The following MYRIP variants were observed in gnomAD, a reference collection of about 807,000 sequenced individuals.
The protein encoded by MYRIP is myosin VIIA and Rab interacting protein, also known as rab effector MyRIP.
Under a neutral mutation model 98.0 loss-of-function variants are expected in MYRIP, and 49 were observed. That is an observed-to-expected ratio of 0.50 (90% CI 0.40 to 0.63). The LOEUF (loss-of-function observed/expected upper bound fraction) is 0.63. Ranked by LOEUF, MYRIP falls within the 30% of genes least tolerant of loss-of-function variation. MYRIP has a pLI of 0.00. For synonymous variants in MYRIP, 404 were observed against 409.5 expected (o/e 0.99, Z 0.16); for missense variants, 1,004 against 1,058.2 (o/e 0.95, Z 0.71).
In MYRIP at chr3:39,856,683, A is replaced by T. The variant is rs191467499; in HGVS notation, c.-30-44104A>T. Among the ~76,000 whole-genome samples, 5 of 152,254 alleles carry T rather than the reference A, an allele frequency of 3.3e-5. No homozygotes were observed. In the East Asian group the frequency reaches 9.7e-4, roughly 29 times the overall value. On this transcript the variant is annotated intron_variant, in intron 1 of 16. Transcript: ENST00000302541. ...ATGGGCAGCAGCCCTGCCCTATTAG[A>T]TACTTTGTCAGCAAGCCTCACATGC... is the stretch of plus-strand genomic sequence containing the variant.
chr3:40,236,322 A>G (rs1416994834), intron 12 of MYRIP, among the ~76,000 whole-genome samples: 1 of 152,224 alleles, frequency 6.6e-6, no homozygotes, highest in Non-Finnish European at 1.5e-5. Context: ...CTCATTATTT[A>G]GCAAAGCATG....
At chr3:39,904,343 C>A (rs992858627) in intron 2 of MYRIP, among the ~76,000 whole-genome samples, 4 of 152,124 alleles carry the variant, frequency 2.6e-5, no homozygotes, top group African/African-American at 4.8e-5. Flanking sequence ...TCAAGAAATT[C>A]TCCTGCCTCG....
chr3:39,873,280 T>C (rs1219435189), intron 1 of MYRIP, among the ~76,000 whole-genome samples: 2 of 152,102 alleles, frequency 1.3e-5, no homozygotes, highest in Non-Finnish European at 2.9e-5. Context: ...TTCTCCCATT[T>C]TGTAGGTTGC....
intron 7 of MYRIP, 124 bp from the exon 8 acceptor site, chr3:40,169,826 G>C: frequency 9.3e-7 from 1 of 1,076,142 alleles, no homozygotes. Flanking sequence ...GAAACAGCCT[G>C]GTGTTCTGTT....
intron 2 of MYRIP, among the ~76,000 whole-genome samples, chr3:39,914,597 G>A (rs558899198): frequency 6.6e-6 from 1 of 151,970 alleles, no homozygotes; most frequent in African/African-American, 2.4e-5. Flanking sequence ...GTGACCTAAA[G>A]AACATTAAAT....
chr3:40,041,437 C>T (rs1029486140), intron 2 of MYRIP, among the ~76,000 whole-genome samples: 6 of 149,988 alleles, frequency 4.0e-5, no homozygotes, highest in Admixed American at 1.4e-4. Context: ...GACGCACTGA[C>T]GACACACTGC....
chr3:39,858,315 T>C (rs768877374), intron 1 of MYRIP, among the ~76,000 whole-genome samples: 5 of 152,150 alleles, frequency 3.3e-5, no homozygotes, highest in Non-Finnish European at 5.9e-5. Context: ...CGTCAGTATA[T>C]AATGATAAAG....
intron 3 of MYRIP, among the ~76,000 whole-genome samples, chr3:40,077,242 C>A (rs1948364608): frequency 6.6e-6 from 1 of 152,068 alleles, no homozygotes; most frequent in Non-Finnish European, 1.5e-5. Context: ...TTGCAAAGAG[C>A]GAAAGAACAA....
At chr3:39,814,596 T>C (rs1288070200) in intron 1 of MYRIP, among the ~76,000 whole-genome samples, 1 of 152,224 alleles carries the variant, frequency 6.6e-6, no homozygotes, top group African/African-American at 2.4e-5. Flanking sequence ...CTCTGACATA[T>C]GCTAATTTCC....
chr3:40,048,361 A>G (rs1290377164), intron 3 of MYRIP, among the ~76,000 whole-genome samples: 1 of 152,168 alleles, frequency 6.6e-6, no homozygotes, highest in African/African-American at 2.4e-5. Context: ...CAATATGCAT[A>G]TGTTTTTGAG....
intron 3 of MYRIP, among the ~76,000 whole-genome samples, chr3:40,115,779 C>T (rs1949260517): frequency 6.6e-6 from 1 of 151,998 alleles, no homozygotes; most frequent in Non-Finnish European, 1.5e-5. Context: ...GATTCCCAGT[C>T]CCTGGTTCAC....
chr3:39,965,831 C>G (rs942881821), intron 2 of MYRIP, among the ~76,000 whole-genome samples: 1 of 152,068 alleles, frequency 6.6e-6, no homozygotes, highest in Non-Finnish European at 1.5e-5. Context: ...CAGGTTCACA[C>G]ATAAAATTGA....
chr3:39,850,054 A>G (rs1475605416), intron 1 of MYRIP, among the ~76,000 whole-genome samples: 1 of 152,262 alleles, frequency 6.6e-6, no homozygotes, highest in East Asian at 1.9e-4. Flanking sequence ...TCCTCTTCCT[A>G]GAGTAGGGTG....
At chr3:39,902,780 C>T (rs960596595) in intron 2 of MYRIP, among the ~76,000 whole-genome samples, 2 of 152,134 alleles carry the variant, frequency 1.3e-5, no homozygotes, top group African/African-American at 4.8e-5. Flanking sequence ...GGTGCCAGTC[C>T]ATGTGGAAGA....
In MYRIP at chr3:39,884,093, A is replaced by T. The variant is rs944614854; in HGVS notation, c.-30-16694A>T. Among the ~76,000 whole-genome samples the T allele has an allele frequency of 2.0e-5, 3 of 152,164 alleles. No homozygotes were observed. The East Asian group carries it at 5.8e-4, about 29-fold the overall frequency. ...CAGAATCCTTAAAAGCAACCAGAGA[A>T]CAAAAGGCAGACAATGGATTGTAGC... On this transcript the variant is annotated intron_variant, in intron 1 of 16. Transcript: ENST00000302541.
At chr3:40,166,500 G>A (rs1251690205) in intron 5 of MYRIP, among the ~76,000 whole-genome samples, 1 of 151,564 alleles carries the variant, frequency 6.6e-6, no homozygotes, top group East Asian at 1.9e-4. Flanking sequence ...TCCAGCCAAG[G>A]GCGGGGCTGA....
intron 10 of MYRIP, among the ~76,000 whole-genome samples, chr3:40,198,665 G>T (rs1951467427): frequency 6.6e-6 from 1 of 152,096 alleles, no homozygotes; most frequent in African/African-American, 2.4e-5. Flanking sequence ...GATCACAGGA[G>T]GCTGTTATTT....
chr3:39,922,350 C>A (rs1056718598), intron 2 of MYRIP, among the ~76,000 whole-genome samples: 15 of 152,156 alleles, frequency 9.9e-5, no homozygotes, highest in Non-Finnish European at 1.2e-4. Context: ...TGGCCTCCAC[C>A]CCTACCTAGA....
At chr3:40,035,406 G>A (rs1402233295) in intron 2 of MYRIP, among the ~76,000 whole-genome samples, 11 of 152,110 alleles carry the variant, frequency 7.2e-5, no homozygotes, top group African/African-American at 2.2e-4. Context: ...ACTCATGAAT[G>A]ATTTGCACTG....
Sources: gnomAD v4.1 joint callset for allele counts (sites outside exome capture counted in the v4.1 genomes callset) on GRCh38, gnomAD v4.1.1 for gene constraint, MANE v1.5 for transcripts, NCBI Gene and HGNC (gene_info 2026-07-23, HGNC 2026-07-21) for gene names.